ADAM32: variants seen among roughly 807,000 people sequenced by gnomAD.
ADAM32 encodes disintegrin and metalloproteinase domain-containing protein 32.
In ADAM32, 89 loss-of-function variants were observed where a neutral mutation model predicts 114.9. That is an observed-to-expected ratio of 0.77 (90% confidence interval 0.65 to 0.92). ADAM32 has a LOEUF of 0.92. Ranked by LOEUF, ADAM32 falls within the 40% of genes least tolerant of loss-of-function variation. The probability of loss-of-function intolerance (pLI) is 0.00; values close to 1 mark genes in which losing one functional copy is unlikely to be tolerated. For missense variants in ADAM32, 870 were observed against 932.8 expected, an observed-to-expected ratio of 0.93 and a Z score of 0.88; for synonymous variants, 285 against 307.5, an observed-to-expected ratio of 0.93 and a Z score of 0.77.
At chr8:39,144,470 C>G (rs78125995) in intron 3 of ADAM32, among the ~76,000 whole-genome samples, 1 of 152,290 alleles carries the variant, frequency 6.6e-6, no homozygotes, top group South Asian at 2.1e-4. Flanking sequence ...AGGATGAGAA[C>G]AGACCTGAGT....
intron 6 of ADAM32, chr8:39,158,573 G>T: frequency 2.9e-6 from 1 of 345,398 alleles, no homozygotes; most frequent in Admixed American, 4.6e-5. Flanking sequence ...GGAAAGCTGT[G>T]AGGTGGACCA....
intron 12 of ADAM32, among the ~76,000 whole-genome samples, chr8:39,220,672 A>T (rs1808898780): frequency 6.6e-6 from 1 of 151,892 alleles, no homozygotes; most frequent in African/African-American, 2.4e-5. Flanking sequence ...TTCATTGACT[A>T]TTGATCATTC....
At position 39,250,763 on chromosome 8, in the gene ADAM32, T is replaced by G. The variant is rs182654238; in HGVS notation, c.1903-3651T>G. On this transcript the variant is annotated intron_variant, in intron 17 of 24. Coordinates refer to ENST00000379907, the MANE Select transcript of ADAM32 (RefSeq NM_145004.7). ...GTCATCCTACTGATCTGTCAAACAC[T>G]TGGTCTTACTTCTTCTTTCAAACTG... Among the ~76,000 whole-genome samples, 38 of 152,056 alleles carry G rather than the reference T, an allele frequency of 2.5e-4. No homozygotes were observed. In the East Asian group the frequency reaches 5.8e-3, roughly 23 times the overall value.
At chr8:39,139,013 A>T (rs1311586248) in intron 3 of ADAM32, among the ~76,000 whole-genome samples, 1 of 152,018 alleles carries the variant, frequency 6.6e-6, no homozygotes, top group Non-Finnish European at 1.5e-5. Flanking sequence ...CCACTTTTTC[A>T]TGGGGTTGTT....
At chr8:39,278,926 G>A (rs1248231649) in intron 22 of ADAM32, among the ~76,000 whole-genome samples, 5 of 152,048 alleles carry the variant, frequency 3.3e-5, no homozygotes, top group African/African-American at 7.2e-5. Flanking sequence ...TTCTGAAAGC[G>A]TTTTGTAATA....
chr8:39,155,243 A>G (rs7818095), intron 6 of ADAM32, among the ~76,000 whole-genome samples: 4,292 of 152,320 alleles, frequency 0.028, 223 homozygotes, highest in African/African-American at 0.097. Context: ...CAGACAAGAG[A>G]AAGAAATAAA....
intron 11 of ADAM32, among the ~76,000 whole-genome samples, chr8:39,189,464 A>G (rs984475883): frequency 2.4e-4 from 36 of 152,092 alleles, no homozygotes; most frequent in African/African-American, 8.2e-4. Context: ...TAAATGTATT[A>G]TTATTATTGA....
chr8:39,122,955 C>T (rs1423629513), intron 2 of ADAM32, among the ~76,000 whole-genome samples: 2 of 152,162 alleles, frequency 1.3e-5, no homozygotes, highest in African/African-American at 4.8e-5. Context: ...TTACCTAACC[C>T]AAGCTCACAA....
At chr8:39,222,310 G>A (rs6474122) in intron 13 of ADAM32, among the ~76,000 whole-genome samples, 146,360 of 152,098 alleles carry the variant, frequency 0.96, 70,695 homozygotes, top group East Asian at 1. Context: ...TGAATTATCC[G>A]TAATGCAGTC....
chr8:39,220,988 C>A (rs1414011658), intron 12 of ADAM32: 1 of 149,664 alleles, frequency 6.7e-6, no homozygotes, highest in African/African-American at 2.5e-5. Context: ...GGTGATCTTT[C>A]CATTACTGAG....
At chr8:39,199,127 C>A (rs1489219848) in intron 11 of ADAM32, among the ~76,000 whole-genome samples, 1 of 152,114 alleles carries the variant, frequency 6.6e-6, no homozygotes, top group Non-Finnish European at 1.5e-5. Context: ...TTTTCTCTTT[C>A]TGCTTTTAGA....
chr8:39,166,862 T>G (rs965125118), intron 9 of ADAM32: 1 of 152,236 alleles, frequency 6.6e-6, no homozygotes, highest in Non-Finnish European at 1.5e-5. Flanking sequence ...TTCATGTCCT[T>G]AGCCCACTTT....
intron 10 of ADAM32, among the ~76,000 whole-genome samples, chr8:39,182,561 AG>A (rs1441578064): frequency 1.3e-5 from 2 of 152,196 alleles, no homozygotes; most frequent in Non-Finnish European, 2.9e-5. Flanking sequence ...GCATTTTTCA[AG>A]AATACAATTT....
At chr8:39,111,955 A>G (rs1382396775) in intron 1 of ADAM32, among the ~76,000 whole-genome samples, 2 of 152,186 alleles carry the variant, frequency 1.3e-5, no homozygotes, top group Non-Finnish European at 2.9e-5. Flanking sequence ...TTACATCAGA[A>G]TAATCTCTGG....
intron 3 of ADAM32, among the ~76,000 whole-genome samples, chr8:39,140,265 GA>G (rs1277414199): frequency 6.6e-6 from 1 of 151,730 alleles, no homozygotes; most frequent in South Asian, 2.1e-4. Flanking sequence ...TTTTCAAAGG[GA>G]ATGCTTCCCG....
chr8:39,222,853 C>T (rs1392498886), intron 13 of ADAM32, among the ~76,000 whole-genome samples, 187 bp from the exon 14 acceptor site: 1 of 152,060 alleles, frequency 6.6e-6, no homozygotes, highest in East Asian at 1.9e-4. Flanking sequence ...TGTCTTATCT[C>T]CTATTTTAGT....
At chr8:39,216,517 C>T (rs1161999939) in intron 12 of ADAM32, among the ~76,000 whole-genome samples, 2 of 151,608 alleles carry the variant, frequency 1.3e-5, no homozygotes, top group African/African-American at 2.4e-5. Context: ...CTGTTTCCTT[C>T]ATCTTCCTCT....
chr8:39,152,657 G>T (rs1803904208), intron 6 of ADAM32, among the ~76,000 whole-genome samples: 1 of 151,384 alleles, frequency 6.6e-6, no homozygotes, highest in Non-Finnish European at 1.5e-5. Context: ...GGAGGTGGAG[G>T]TTGCAGTGAG....
intron 11 of ADAM32, among the ~76,000 whole-genome samples, chr8:39,207,490 G>A (rs933561937): frequency 1.3e-5 from 2 of 152,020 alleles, no homozygotes; most frequent in Non-Finnish European, 2.9e-5. Flanking sequence ...TGCATATATT[G>A]TATAATGATG....
Sources: gnomAD v4.1 joint callset for allele counts (sites outside exome capture counted in the v4.1 genomes callset) on GRCh38, gnomAD v4.1.1 for gene constraint, MANE v1.5 for transcripts, NCBI Gene and HGNC (gene_info 2026-07-23, HGNC 2026-07-21) for gene names.